CPO: variants seen among roughly 807,000 people sequenced by gnomAD.
The protein encoded by CPO is metallocarboxypeptidase C.
CPO carries 43 observed loss-of-function variants against 41.2 expected under a neutral mutation model. That is an observed-to-expected ratio of 1.04 (90% confidence interval 0.82 to 1.35). CPO has a LOEUF of 1.35. Among genes scored for constraint, CPO ranks in the 40% most tolerant of loss-of-function variants. CPO has a pLI of 0.00. For synonymous variants in CPO, 178 were observed against 162.7 expected (o/e 1.09, Z -0.72); for missense variants, 408 against 451.7 (o/e 0.90, Z 0.88).
At chr2:206,966,358 A>C (rs1693576270) in intron 7 of CPO, among the ~76,000 whole-genome samples, 1 of 152,196 alleles carries the variant, frequency 6.6e-6, no homozygotes, top group Non-Finnish European at 1.5e-5. Flanking sequence ...ATTTAAAAAA[A>C]AAAATGGGAA....
chr2:206,956,545 T>A (rs1693363055), intron 3 of CPO, among the ~76,000 whole-genome samples: 1 of 152,162 alleles, frequency 6.6e-6, no homozygotes, highest in African/African-American at 2.4e-5. Flanking sequence ...CAAGGCTTCT[T>A]CCAGGTGATT....
At chr2:206,947,684 T>G (rs1020522547) in intron 1 of CPO, among the ~76,000 whole-genome samples, 3 of 152,004 alleles carry the variant, frequency 2.0e-5, no homozygotes, top group Admixed American at 2.0e-4. Flanking sequence ...AATATATAAA[T>G]AACTCTTAAA....
chr2:206,939,675 T>G lies in CPO; in HGVS notation c.68+8T>G. The G allele has an allele frequency of 6.2e-7, 1 of 1,607,606 alleles. No individual in the cohort carries two copies. Among genetic ancestry groups the G allele is most frequent in the Non-Finnish European group, 8.5e-7 (1 of 1,174,862 alleles). On this transcript the variant is annotated splice_region_variant and intron_variant, in intron 1 of 8. Transcript: ENST00000272852. ...AGGGCTGGGATATGATAGGTGAGTG[T>G]AAAGTGGGAAGAGGAACTGATTATT...
chr2:206,967,360 G>GAT (rs1306787306), intron 7 of CPO, among the ~76,000 whole-genome samples: 9 of 112,356 alleles, frequency 8.0e-5, no homozygotes, highest in South Asian at 3.1e-4. Context: ...TAGATATATA[G>GAT]ATATAGATAT....
chr2:206,953,464 A>C (rs770523208), intron 2 of CPO, among the ~76,000 whole-genome samples: 3 of 152,188 alleles, frequency 2.0e-5, no homozygotes, highest in Non-Finnish European at 4.4e-5. Flanking sequence ...ATCTCCCTTG[A>C]CTCCATGTCT....
chr2:206,943,615 A>C (rs573127069), intron 1 of CPO, among the ~76,000 whole-genome samples: 1 of 151,358 alleles, frequency 6.6e-6, no homozygotes, highest in African/African-American at 2.4e-5. Flanking sequence ...GAAAAAAAAA[A>C]CTGGGATAAT....
chr2:206,960,748 T>C, intron 5 of CPO, 104 bp from the exon 6 acceptor site: 1 of 835,128 alleles, frequency 1.2e-6, no homozygotes. Flanking sequence ...TTCTTCCAGA[T>C]AATCCTAGGA....
chr2:206,962,023 C>T (rs993151934), intron 6 of CPO, among the ~76,000 whole-genome samples: 1 of 151,168 alleles, frequency 6.6e-6, no homozygotes, highest in Non-Finnish European at 1.5e-5. Flanking sequence ...TGGCATGAAC[C>T]CAGGAGGTGG....
intron 3 of CPO, among the ~76,000 whole-genome samples, chr2:206,956,615 G>T (rs536288103): frequency 6.6e-6 from 1 of 152,174 alleles, no homozygotes; most frequent in African/African-American, 2.4e-5. Flanking sequence ...ATAGCCAAAA[G>T]GCTGAGAAGC....
intron 1 of CPO, among the ~76,000 whole-genome samples, chr2:206,944,659 G>T (rs993844): frequency 0.64 from 96,840 of 151,806 alleles, 31,443 homozygotes; most frequent in Middle Eastern, 0.76. Context: ...AAACTTCATT[G>T]AACAATGTAA....
rs1275369064 is a variant in CPO, at chr2:206,959,722, A to G, written c.464A>G (p.Tyr155Cys). ...CTTCCAGTTCTTAACATAGATGGTT[A>G]TATCTACACTTGGACAACTGTGAGT... ...YVLPVLNIDG[Y>C]IYTWTTDRLW... The change falls in exon 5 of 9, where the codon TAT becomes TGT. Residue 155 changes from tyrosine (Y) to cysteine (C), a missense_variant. Transcript: ENST00000272852. The G allele has an allele frequency of 2.0e-6, 3 of 1,525,540 alleles. No homozygotes were observed. The highest frequency in any genetic ancestry group is 2.7e-5 in the African/African-American group (2 of 73,088). The allele number at this position is 1,525,540 out of a possible 1,614,324, so 94.5% of individuals were successfully genotyped here. A position where few individuals can be genotyped will look rare whatever the true frequency, so the allele number is the denominator to read the frequency against.
chr2:206,965,314 CTT>C (rs1481903930), intron 7 of CPO, among the ~76,000 whole-genome samples: 119 of 152,226 alleles, frequency 7.8e-4, no homozygotes, highest in Non-Finnish European at 9.6e-4. Flanking sequence ...TGGGGGCAAG[CTT>C]TGATAGAGTG....
chr2:206,958,736 T>G (rs892333598), intron 4 of CPO, among the ~76,000 whole-genome samples: 12 of 140,524 alleles, frequency 8.5e-5, no homozygotes, highest in African/African-American at 2.7e-4. Context: ...TAGTTTTTTT[T>G]TTTTTTTTTT....
chr2:206,941,390 A>G (rs1693027377), intron 1 of CPO, among the ~76,000 whole-genome samples: 1 of 152,122 alleles, frequency 6.6e-6, no homozygotes, highest in Non-Finnish European at 1.5e-5. Flanking sequence ...GAGTACTTTA[A>G]AAAATAAAAT....
rs145806557 is a variant in CPO at position 206,947,967 on chromosome 2, G to A, written c.69-1650G>A. Among the ~76,000 whole-genome samples the A allele has an allele frequency of 7.8e-3, 1,184 of 152,256 alleles. 11 individuals are homozygous for A. The highest frequency in any genetic ancestry group is 0.014 in the Non-Finnish European group (932 of 68,016). On this transcript the variant is annotated intron_variant, in intron 1 of 8. Coordinates refer to ENST00000272852, the MANE Select transcript of CPO (RefSeq NM_173077.3). ...TGTGGAGCAACAGGAACTCTCATTC[G>A]TTGCTGATGAGAATTCAAAATGGTA...
At chr2:206,957,063 G>A (rs1024056433) in intron 3 of CPO, among the ~76,000 whole-genome samples, 20 of 152,118 alleles carry the variant, frequency 1.3e-4, no homozygotes, top group Non-Finnish European at 2.9e-5. Flanking sequence ...TAGCATACAC[G>A]TACTCATAAA....
intron 7 of CPO, 43 bp from the exon 8 acceptor site, chr2:206,968,220 A>G: frequency 7.7e-7 from 1 of 1,304,078 alleles, no homozygotes; most frequent in Non-Finnish European, 1.1e-6. Context: ...TGTTGGATTT[A>G]TTTTAAACAC....
At chr2:206,966,570 C>T (rs541379090) in intron 7 of CPO, among the ~76,000 whole-genome samples, 5 of 152,148 alleles carry the variant, frequency 3.3e-5, no homozygotes, top group South Asian at 2.1e-4. Flanking sequence ...ATTCTTGTAC[C>T]GCCTCCCAGT....
intron 2 of CPO, among the ~76,000 whole-genome samples, chr2:206,952,892 C>A (rs1693291692): frequency 6.6e-6 from 1 of 152,146 alleles, no homozygotes; most frequent in Admixed American, 6.5e-5. Context: ...GAAGGAGGAG[C>A]AAAGGTATGT....
Sources: allele counts gnomAD v4.1 joint callset (sites outside exome capture counted in the v4.1 genomes callset), GRCh38; gene constraint gnomAD v4.1.1; transcripts MANE v1.5; gene names NCBI Gene and HGNC (gene_info 2026-07-23, HGNC 2026-07-21).